The following CLVS1 variants were observed in gnomAD, a reference collection of about 807,000 sequenced individuals.
CLVS1 encodes clavesin-1.
A neutral mutation model predicts 33.1 loss-of-function variants in CLVS1; 10 were observed. That is an observed-to-expected ratio of 0.30 (90% CI 0.19 to 0.51). The LOEUF is 0.51. Among genes scored for constraint, CLVS1 ranks in the 20% least tolerant of loss-of-function variants. The pLI, the probability that CLVS1 is intolerant of heterozygous loss-of-function variation, is 0.97. For synonymous variants in CLVS1, 163 were observed against 166.1 expected, an observed-to-expected ratio of 0.98 and a Z score of 0.14; for missense variants, 343 against 433.4, an observed-to-expected ratio of 0.79 and a Z score of 1.85.
At chr8:61,373,728 C>A (rs1813530936) in intron 2 of CLVS1, among the ~76,000 whole-genome samples, 1 of 152,182 alleles carries the variant, frequency 6.6e-6, no homozygotes, top group African/African-American at 2.4e-5. Context: ...CTTCATTTGA[C>A]TTTGTTAACT....
intron 2 of CLVS1, among the ~76,000 whole-genome samples, chr8:61,307,087 G>A (rs945399354): frequency 1.3e-5 from 2 of 152,166 alleles, no homozygotes. Flanking sequence ...GATAATAAAA[G>A]CCCCAGAATA....
chr8:61,332,884 C>G (rs1053276488), intron 2 of CLVS1, among the ~76,000 whole-genome samples: 4 of 152,210 alleles, frequency 2.6e-5, no homozygotes. Flanking sequence ...ATCCACTCGC[C>G]TTGGCCTGCC....
intron 5 of CLVS1, among the ~76,000 whole-genome samples, chr8:61,492,888 T>C (rs1269188026): frequency 6.6e-6 from 1 of 152,240 alleles, no homozygotes; most frequent in Non-Finnish European, 1.5e-5. Flanking sequence ...TTTTGCCTGC[T>C]AGGATGATTC....
intron 3 of CLVS1, among the ~76,000 whole-genome samples, chr8:61,426,603 C>A (rs1285907900): frequency 6.6e-6 from 1 of 152,138 alleles, no homozygotes; most frequent in Non-Finnish European, 1.5e-5. Flanking sequence ...CGGGCCCCTG[C>A]CAACTGGTAT....
chr8:61,023,777 T>C, the CLVS1 span, among the ~76,000 whole-genome samples: 4 of 151,982 alleles, frequency 2.6e-5, no homozygotes, highest in Non-Finnish European at 1.5e-5. Context: ...CCCAGCGCGC[T>C]GGCCCTGAAA....
chr8:61,225,781 TGGACA>T (rs913777560), intron 2 of CLVS1, among the ~76,000 whole-genome samples: 3 of 152,216 alleles, frequency 2.0e-5, no homozygotes, highest in Non-Finnish European at 2.9e-5. Flanking sequence ...GCCACTTACC[TGGACA>T]GTACCACCCA....
intron 3 of CLVS1, among the ~76,000 whole-genome samples, chr8:61,388,278 A>G (rs1013733943): frequency 6.6e-6 from 1 of 150,784 alleles, no homozygotes; most frequent in Admixed American, 6.6e-5. Flanking sequence ...AAAAGAAGTG[A>G]CTGACCACTT....
chr8:61,016,224 A>G, the CLVS1 span, among the ~76,000 whole-genome samples: 1 of 152,226 alleles, frequency 6.6e-6, no homozygotes, highest in East Asian at 1.9e-4. Flanking sequence ...CTCATTCTGT[A>G]TGTGCAAGTA....
At chr8:61,018,060 G>T in the CLVS1 span, among the ~76,000 whole-genome samples, 1 of 152,186 alleles carries the variant, frequency 6.6e-6, no homozygotes, top group Non-Finnish European at 1.5e-5. Context: ...GAGAGGACTG[G>T]TTATTGACTG....
chr8:61,124,723 T>C (rs952434016), intron 1 of CLVS1, among the ~76,000 whole-genome samples: 6 of 152,194 alleles, frequency 3.9e-5, no homozygotes, highest in Non-Finnish European at 8.8e-5. Flanking sequence ...TTAAAAATTG[T>C]GAATGTCTCC....
the CLVS1 span, among the ~76,000 whole-genome samples, chr8:60,969,952 G>A: frequency 3.3e-5 from 5 of 152,024 alleles, no homozygotes; most frequent in African/African-American, 1.2e-4. Context: ...TTATATAAGG[G>A]GCTTGAGCTT....
At chr8:60,975,658 G>A in the CLVS1 span, among the ~76,000 whole-genome samples, 1 of 152,194 alleles carries the variant, frequency 6.6e-6, no homozygotes. Context: ...CTAAAACTGT[G>A]AGAACATAAT....
intron 5 of CLVS1, among the ~76,000 whole-genome samples, chr8:61,477,231 T>C (rs1038630654): frequency 1.3e-5 from 2 of 152,234 alleles, no homozygotes; most frequent in Non-Finnish European, 2.9e-5. Flanking sequence ...GCAACGATGT[T>C]CATCAAGGAT....
chr8:61,260,586 T>C (rs148738768), intron 2 of CLVS1, among the ~76,000 whole-genome samples: 1 of 152,242 alleles, frequency 6.6e-6, no homozygotes, highest in African/African-American at 2.4e-5. Flanking sequence ...AAATATTGGT[T>C]AATAGGATCT....
chr8:61,171,157 T>C (rs1163964059), intron 2 of CLVS1, among the ~76,000 whole-genome samples: 1 of 152,198 alleles, frequency 6.6e-6, no homozygotes, highest in Non-Finnish European at 1.5e-5. Context: ...TTTCAGTATA[T>C]ATGCACAATC....
chr8:61,182,794 C>T (rs556917058), intron 2 of CLVS1, among the ~76,000 whole-genome samples: 4 of 152,214 alleles, frequency 2.6e-5, no homozygotes, highest in Non-Finnish European at 5.9e-5. Flanking sequence ...ATCCCATTAC[C>T]AGGTATATAC....
At chr8:61,240,807 G>T (rs1383528903) in intron 2 of CLVS1, among the ~76,000 whole-genome samples, 1 of 151,432 alleles carries the variant, frequency 6.6e-6, no homozygotes, top group Non-Finnish European at 1.5e-5. Context: ...ACATTAAATA[G>T]AAGTGGCAAT....
At chr8:61,083,763 A>C (rs1396835445) in intron 1 of CLVS1, among the ~76,000 whole-genome samples, 4 of 152,182 alleles carry the variant, frequency 2.6e-5, no homozygotes, top group African/African-American at 9.7e-5. Context: ...CAGAAGAAGA[A>C]AAAAGATGGA....
intron 1 of CLVS1, among the ~76,000 whole-genome samples, chr8:61,107,219 G>T (rs767961104): frequency 2.0e-5 from 3 of 152,238 alleles, no homozygotes; most frequent in East Asian, 1.9e-4. Flanking sequence ...GGCTGGACAA[G>T]AACTCATGTC....
Sources: gnomAD v4.1 joint callset for allele counts (sites outside exome capture counted in the v4.1 genomes callset) on GRCh38, gnomAD v4.1.1 for gene constraint, MANE v1.5 for transcripts, NCBI Gene and HGNC (gene_info 2026-07-23, HGNC 2026-07-21) for gene names.